PGAP6: variants seen among roughly 807,000 people sequenced by gnomAD.
PGAP6 encodes post-GPI attachment to proteins factor 6.
Under a neutral mutation model 68.4 loss-of-function variants are expected in PGAP6, and 62 were observed. The ratio of observed to expected loss-of-function variants is 0.91; its 90% CI spans 0.74 to 1.12. The LOEUF (loss-of-function observed/expected upper bound fraction) is 1.12. PGAP6 is among the 50% of genes most tolerant of loss of function. The pLI is 0.00. For synonymous variants in PGAP6, 575 were observed against 474.0 expected, an observed-to-expected ratio of 1.21 and a Z score of -2.77; for missense variants, 1,188 against 1,068.5, an observed-to-expected ratio of 1.11 and a Z score of -1.56.
chr16:377,441 C>T lies in PGAP6; in HGVS notation c.444G>A (p.Pro148=), dbSNP rs565716806. 4.7e-5 allele frequency: 76 copies of T among 1,610,596 alleles called. No individual in the cohort carries two copies. Among genetic ancestry groups the T allele is most frequent in the Non-Finnish European group, 6.2e-5 (73 of 1,178,896 alleles). Reference sequence around the variant, plus strand: ...CGGCCACGAACCAGTCCCCGGGGGCCGGGTGGGAAACGTTGACGGAGGCAT... The same window carrying T: ...CGGCCACGAACCAGTCCCCGGGGGCTGGGTGGGAAACGTTGACGGAGGCAT... ...RSNASVNVSH[P]APGDWFVAAH... Residue 148 remains proline (P), a synonymous_variant, in exon 3 of 13, where the codon CCG becomes CCA. Transcript: ENST00000431232.
chr16:374,444 A>G, intron 9 of PGAP6, 45 bp from the exon 10 acceptor site: 2 of 1,503,470 alleles, frequency 1.3e-6, no homozygotes, highest in Non-Finnish European at 1.8e-6. Flanking sequence ...GCACTGCTGA[A>G]CCTCAGGGCC....
upstream of PGAP6, among the ~76,000 whole-genome samples, chr16:383,914 G>A (rs2141770501): frequency 6.6e-6 from 1 of 152,354 alleles, no homozygotes; most frequent in Non-Finnish European, 1.5e-5. Context: ...CAGCGGAGGT[G>A]GAGGGTGTTG....
chr16:374,692 C>T (rs1038604156), intron 9 of PGAP6, 64 bp downstream of exon 9: 1 of 1,594,712 alleles, frequency 6.3e-7, no homozygotes, highest in African/African-American at 1.3e-5. Flanking sequence ...AGGGGAAAGG[C>T]ACAGCACAGC....
At chr16:381,615 G>T in intron 1 of PGAP6, 86 bp downstream of exon 1, 1 of 1,053,994 alleles carries the variant, frequency 9.5e-7, no homozygotes, top group Non-Finnish European at 1.2e-6. Flanking sequence ...CCAGATGAGC[G>T]CACAGGTGCG....
In PGAP6 at chr16:380,730, G is replaced by A. The variant is rs541736817; in HGVS notation, c.121+971C>T. 1.8e-3 allele frequency among the ~76,000 whole-genome samples: 272 copies of A among 150,502 alleles called. 1 individual carries two copies. The highest frequency in any genetic ancestry group is 2.8e-3 in the Non-Finnish European group (192 of 67,606). ...TGCCTTTCATCTCTACCTGTGCCAA[G>A]CTCAGAAAGCAGGAGGCACAGCCCC... On this transcript the variant is annotated intron_variant, in intron 1 of 12. Transcript: ENST00000431232.
At position 375,376 on chromosome 16, in the gene PGAP6, A is replaced by G. The variant is rs1037523892; in HGVS notation, c.1284T>C (p.Leu428=). ...TGCAGTTGAGCGAAGTATTGAAGCC[A>G]AGGAAGGGCGAGGCAGCATTCACGC... is the stretch of plus-strand genomic sequence containing the variant. The part of the protein sequence containing the change: ...VACVNAASPF[L]GFNTSLNCTT... The change falls in exon 7 of 13, where the codon CTT becomes CTC. Residue 428 remains leucine (L), a synonymous_variant. Transcript: ENST00000431232. 3.1e-6 allele frequency: 5 copies of G among 1,612,978 alleles called. No homozygotes were observed. Among genetic ancestry groups the G allele is most frequent in the Non-Finnish European group, 4.2e-6 (5 of 1,179,962 alleles).
chr16:374,737 G>T lies in PGAP6; in HGVS notation c.1576+19C>A, dbSNP rs1365536204. ...CAACAGCAGCAGCGTCTCGGGGCGG[G>T]CGGGGCCCTGGCACTCACCTGCCTT... On this transcript the variant is annotated intron_variant, in intron 9 of 12. Transcript: ENST00000431232. 6.2e-7 allele frequency: 1 copy of T among 1,611,918 alleles called. No homozygotes were observed. The highest frequency in any genetic ancestry group is 1.7e-5 in the Admixed American group (1 of 59,972).
intron 1 of PGAP6, among the ~76,000 whole-genome samples, chr16:381,270 G>A (rs2054435152): frequency 6.6e-6 from 1 of 152,236 alleles, no homozygotes; most frequent in South Asian, 2.1e-4. Context: ...ACGGGCCCCC[G>A]CTACAGGGTC....
At position 377,537 on chromosome 16, in the gene PGAP6, G is replaced by A. The variant is rs1177635254; in HGVS notation, c.348C>T (p.Ser116=). The part of the protein sequence containing the change: ...APPVINPLGT[S]FPDDTAVQPS... Reference sequence around the variant, plus strand: ...GCTGTACCGCGGTGTCGTCCGGGAAGCTGGTGCCCAGCGGGTTGATGACCG... The same window carrying A: ...GCTGTACCGCGGTGTCGTCCGGGAAACTGGTGCCCAGCGGGTTGATGACCG... Residue 116 remains serine, a synonymous_variant, in exon 3 of 13, where the codon AGC becomes AGT. Transcript: ENST00000431232. 17 of 1,592,058 alleles carry A rather than the reference G, an allele frequency of 1.1e-5. No homozygotes were observed. The highest frequency in any genetic ancestry group is 1.2e-5 in the Non-Finnish European group (14 of 1,169,896).
intron 1 of PGAP6, 145 bp from the exon 2 acceptor site, chr16:377,993 G>C (rs1394261178): frequency 4.9e-5 from 34 of 689,056 alleles, no homozygotes; most frequent in Non-Finnish European, 8.0e-5. Flanking sequence ...CCTTGGCAAA[G>C]GTCACCGACA....
chr16:381,563 C>CACCCCCAACCCGCGGCGGGG lies in PGAP6; in HGVS notation c.121+118_121+137dup, dbSNP rs927401806. Reference sequence around the variant, plus strand: ...CGAAGCGCCCCAAAGGGCCACTGTGCACCCCCAACCCGCGGCGGGGACCCC... The same window carrying CACCCCCAACCCGCGGCGGGG: ...CGAAGCGCCCCAAAGGGCCACTGTGCACCCCCAACCCGCGGCGGGGACCCCCAACCCGCGGCGGGGACCCC... On this transcript the variant is annotated intron_variant, in intron 1 of 12. Coordinates refer to ENST00000431232, the MANE Select transcript of PGAP6 (RefSeq NM_021259.3). The CACCCCCAACCCGCGGCGGGG allele has an allele frequency of 1.3e-4, 80 of 598,212 alleles. No individual in the cohort carries two copies. In the African/African-American group the frequency reaches 1.5e-3, roughly 12 times the overall value. The allele number at this position is 598,212 out of a possible 1,614,324, so 37.1% of individuals were successfully genotyped here.
Position 374,373 on chromosome 16 carries a change from T to A in PGAP6, c.1603A>T (p.Asn535Tyr), listed in dbSNP as rs1200437380. 1 of 1,591,290 alleles carries A rather than the reference T, an allele frequency of 6.3e-7. No individual in the cohort carries two copies. Among genetic ancestry groups the A allele is most frequent in the Non-Finnish European group, 8.5e-7 (1 of 1,173,750 alleles). The change falls in exon 10 of 13, where the codon AAC becomes TAC. Residue 535 changes from asparagine (N) to tyrosine (Y), a missense_variant. Physicochemically the swap from Asn to Tyr is moderately radical, Grantham distance 143 (BLOSUM62 -2). Transcript: ENST00000431232. ...AGWRGWSCTD[N>Y]STAQTVAQQR... is the part of the protein sequence containing the mutation. The stretch of plus-strand genomic sequence containing the variant: ...TGGGCCACCGTCTGGGCTGTGCTGT[T>A]GTCCGTGCAGCTCCACCCACGCCAG...
Position 381,971 on chromosome 16 carries a change from C to A in PGAP6, c.-150G>T, listed in dbSNP as rs2054444070. On this transcript the variant is annotated 5_prime_UTR_variant, in exon 1 of 13. Transcript: ENST00000431232. ...CGGCCGGTCCCCGCCGCCGTCGCCC[C>A]GGGCACTTCCGCCCGCAGGCCCCGC... The A allele has an allele frequency of 5.2e-6, 5 of 969,018 alleles. No individual in the cohort carries two copies. The highest frequency in any genetic ancestry group is 3.6e-5 in the African/African-American group (2 of 56,098). The allele number at this position is 969,018 out of a possible 1,614,324, so 60.0% of individuals were successfully genotyped here.
chr16:377,679 C>T lies in PGAP6; in HGVS notation c.291G>A (p.Glu97=). The T allele has an allele frequency of 6.3e-7, 1 of 1,583,598 alleles. No individual in the cohort carries two copies. The highest frequency in any genetic ancestry group is 8.6e-7 in the Non-Finnish European group (1 of 1,165,994). The change falls in exon 2 of 13, where the codon GAG becomes GAA. Residue 97 remains glutamate, a synonymous_variant. Coordinates refer to ENST00000431232, the MANE Select transcript of PGAP6 (RefSeq NM_021259.3). ...GGCGGGCAGCCACCTACACGGTGAT[C>T]TCCGCGTCGGTGCAGGCAGCGCCGC... ...RESGAACTDA[E]ITVHFRSGAP... is the part of the protein sequence containing the mutation.
chr16:376,841 G>T, intron 4 of PGAP6, 29 bp from the exon 5 acceptor site: 3 of 1,599,318 alleles, frequency 1.9e-6, no homozygotes, highest in Non-Finnish European at 2.5e-6. Flanking sequence ...GCTGGCTCAG[G>T]CTCTGCCATT....
At position 371,032 on chromosome 16, in the gene PGAP6, G is replaced by A. The variant is rs577221971; in HGVS notation, c.*955C>T. On this transcript the variant is annotated 3_prime_UTR_variant, in exon 13 of 13. Coordinates refer to ENST00000431232, the MANE Select transcript of PGAP6 (RefSeq NM_021259.3). Reference sequence around the variant, plus strand: ...CAGAAGGGAAGCCCCCAGAGCCAAGGGTAGGAGGGCCCCACCCGGGTCTCA... The same window carrying A: ...CAGAAGGGAAGCCCCCAGAGCCAAGAGTAGGAGGGCCCCACCCGGGTCTCA... 6.6e-6 allele frequency: 1 copy of A among 152,422 alleles called. No individual in the cohort carries two copies. The highest frequency in any genetic ancestry group is 1.9e-4 in the East Asian group (1 of 5,192). The allele number at this position is 152,422 out of a possible 1,614,324, so 9.4% of individuals were successfully genotyped here.
Position 372,164 on chromosome 16 carries a change from C to T in PGAP6, c.2139G>A (p.Met713Ile). The T allele has an allele frequency of 6.2e-7, 1 of 1,612,900 alleles. No individual in the cohort carries two copies. Among genetic ancestry groups the T allele is most frequent in the Non-Finnish European group, 8.5e-7 (1 of 1,179,940 alleles). Residue 713 changes from methionine to isoleucine, a missense_variant, in exon 13 of 13, where the codon ATG (methionine) becomes ATA (isoleucine). By Grantham distance (10) the Met-to-Ile change is conservative. Coordinates refer to ENST00000431232, the MANE Select transcript of PGAP6 (RefSeq NM_021259.3). Reference sequence around the variant, plus strand: ...GGGTGTAGTAGTAGTTGTCGCTAGTCATCATGGAGGTGTAGATGGCGATGC... The same window carrying T: ...GGGTGTAGTAGTAGTTGTCGCTAGTTATCATGGAGGTGTAGATGGCGATGC... ...SVGIAIYTSM[M>I]TSDNYYYTHS...
chr16:379,780 C>T (rs2054422635), intron 1 of PGAP6, among the ~76,000 whole-genome samples: 1 of 152,062 alleles, frequency 6.6e-6, no homozygotes, highest in South Asian at 2.1e-4. Context: ...CACAGCCCCT[C>T]CAGGCCTCTC....
rs369419368 is a variant in PGAP6 at position 377,063 on chromosome 16, G to A, written c.609C>T (p.Thr203=). 2.6e-4 allele frequency: 414 copies of A among 1,613,214 alleles called. No individual in the cohort carries two copies. Among genetic ancestry groups the A allele is most frequent in the Middle Eastern group, 4.9e-4 (3 of 6,084 alleles). ...TGAGGTAGCTGGGATGGGAGAGGAG[G>A]GTCTGAGGAAGGGGCACGTCCGGCT... is the stretch of plus-strand genomic sequence containing the variant. ...IMEPDVPLPQ[T]LLSHPSYLKV... The change falls in exon 4 of 13, where the codon ACC becomes ACT. Residue 203 remains threonine (T), a synonymous_variant. Coordinates refer to ENST00000431232, the MANE Select transcript of PGAP6 (RefSeq NM_021259.3).
Sources: gnomAD v4.1 joint callset for allele counts (sites outside exome capture counted in the v4.1 genomes callset) on GRCh38, gnomAD v4.1.1 for gene constraint, MANE v1.5 for transcripts, NCBI Gene and HGNC (gene_info 2026-07-23, HGNC 2026-07-21) for gene names.